AXDND1: variants seen among roughly 807,000 people sequenced by gnomAD.
AXDND1 encodes axonemal dynein light chain domain-containing protein 1.
Under a neutral mutation model 137.5 loss-of-function variants are expected in AXDND1, and 110 were observed. That is an observed-to-expected ratio of 0.80 (90% CI 0.69 to 0.94). The LOEUF is 0.94. AXDND1 is among the 40% of genes least tolerant of loss of function. AXDND1 has a pLI of 0.00. For missense variants in AXDND1, 1,191 were observed against 1,169.8 expected, an observed-to-expected ratio of 1.02 and a Z score of -0.26; for synonymous variants, 414 against 399.7, an observed-to-expected ratio of 1.04 and a Z score of -0.43.
At chr1:179,419,432 C>G (rs974474650) in intron 12 of AXDND1, among the ~76,000 whole-genome samples, 6 of 148,940 alleles carry the variant, frequency 4.0e-5, no homozygotes, top group African/African-American at 1.2e-4. Flanking sequence ...GCCAACACAG[C>G]GAAACCCCGT....
chr1:179,509,240 C>A, intron 20 of AXDND1, 56 bp from the exon 21 acceptor site: 4 of 1,057,344 alleles, frequency 3.8e-6, no homozygotes, highest in South Asian at 1.4e-5. Context: ...TCCTCAATAG[C>A]GGTGAGTGAA....
chr1:179,521,735 C>T (rs1322792791), intron 21 of AXDND1, among the ~76,000 whole-genome samples: 1 of 147,498 alleles, frequency 6.8e-6, no homozygotes, highest in Non-Finnish European at 1.5e-5. Context: ...CTGAAAATGC[C>T]TTTATTTCAC....
At chr1:179,414,882 T>C (rs1016280010) in intron 12 of AXDND1, among the ~76,000 whole-genome samples, 1 of 152,302 alleles carries the variant, frequency 6.6e-6, no homozygotes, top group East Asian at 1.9e-4. Flanking sequence ...AACTTGTACT[T>C]TTAGACATCA....
At chr1:179,438,171 A>AATAAATTAATAC (rs1658494647) in intron 15 of AXDND1, among the ~76,000 whole-genome samples, 1 of 151,318 alleles carries the variant, frequency 6.6e-6, no homozygotes, top group Non-Finnish European at 1.5e-5. Context: ...TAAATAAATA[A>AATAAATTAATAC]ATAAATAAAT....
rs142812354 is a variant in AXDND1 at position 179,445,023 on chromosome 1, C to T, written c.1617C>T (p.Tyr539=). Residue 539 remains tyrosine, a synonymous_variant, in exon 16 of 26, where the codon TAC becomes TAT. Transcript: ENST00000367618. ...CTGGGGATGTTCTACTGTCAAAATA[C>T]GATACTCTCAAGATTATTAAACATT... ...EFTGDVLLSK[Y]DTLKIIKHLQ... 138 of 1,612,694 alleles carry T rather than the reference C, an allele frequency of 8.6e-5. 3 individuals are homozygous for T. The Middle Eastern group carries it at 3.6e-3, about 42-fold the overall frequency.
chr1:179,525,023 C>T (rs1016232287), intron 21 of AXDND1, among the ~76,000 whole-genome samples: 4 of 152,136 alleles, frequency 2.6e-5, no homozygotes, highest in Non-Finnish European at 5.9e-5. Context: ...TCTTTTCCTT[C>T]CCCATCCTTC....
intron 17 of AXDND1, among the ~76,000 whole-genome samples, chr1:179,481,974 A>C (rs1262689268): frequency 2.6e-5 from 4 of 152,014 alleles, no homozygotes; most frequent in Non-Finnish European, 5.9e-5. Context: ...CTATATCTTG[A>C]ATCTCCACTG....
chr1:179,430,500 A>G lies in AXDND1; in HGVS notation c.1381A>G (p.Asn461Asp). 6.2e-7 allele frequency: 1 copy of G among 1,614,036 alleles called. No homozygotes were observed. The highest frequency in any genetic ancestry group is 8.5e-7 in the Non-Finnish European group (1 of 1,179,954). The change falls in exon 14 of 26, where the codon AAC becomes GAC. Residue 461 changes from asparagine (N) to aspartate (D), a missense_variant. Physicochemically the swap from Asn to Asp is conservative, Grantham distance 23. Coordinates refer to ENST00000367618, the MANE Select transcript of AXDND1 (RefSeq NM_144696.6). ...GCAGAAGTTGACACAAAAATGGAGA[A>G]ACTTAGTGAATAAACTTAAACAAGA... ...LLQKLTQKWR[N>D]LVNKLKQEVE...
At chr1:179,397,752 A>G (rs981949321) in intron 11 of AXDND1, among the ~76,000 whole-genome samples, 14 of 152,072 alleles carry the variant, frequency 9.2e-5, no homozygotes, top group African/African-American at 3.4e-4. Flanking sequence ...AAGTTCTGAG[A>G]TTCTTTCTTC....
At chr1:179,369,032 T>C (rs560203911) in intron 3 of AXDND1, 60 bp downstream of exon 3, 339 of 1,442,764 alleles carry the variant, frequency 2.3e-4, no homozygotes, top group Non-Finnish European at 2.9e-4. Flanking sequence ...CTGATTATTC[T>C]TTAAGTATTT....
chr1:179,449,121 A>AGCGATCATCCC (rs1364333967), intron 16 of AXDND1: 1 of 454,280 alleles, frequency 2.2e-6, no homozygotes, highest in Non-Finnish European at 4.4e-6. Flanking sequence ...TCTGGGTTCA[A>AGCGATCATCCC]GCGATCATCC....
chr1:179,430,726 C>T (rs1657243931), intron 14 of AXDND1, 120 bp downstream of exon 14: 1 of 1,116,814 alleles, frequency 9.0e-7, no homozygotes, highest in Non-Finnish European at 1.3e-6. Context: ...TTTTGGGGAG[C>T]AGTCCCTATG....
chr1:179,524,623 G>A (rs1012352028), intron 21 of AXDND1, among the ~76,000 whole-genome samples: 1 of 152,084 alleles, frequency 6.6e-6, no homozygotes, highest in African/African-American at 2.4e-5. Context: ...CATTCAAGAT[G>A]CACATTTTCT....
intron 16 of AXDND1, among the ~76,000 whole-genome samples, chr1:179,465,526 G>T (rs1663007944): frequency 6.6e-6 from 1 of 152,202 alleles, no homozygotes; most frequent in Admixed American, 6.5e-5. Context: ...GTGTCAGTTG[G>T]CCCCTACTGG....
At chr1:179,547,992 T>A (rs1271803336) in intron 25 of AXDND1, among the ~76,000 whole-genome samples, 1 of 152,142 alleles carries the variant, frequency 6.6e-6, no homozygotes, top group Non-Finnish European at 1.5e-5. Flanking sequence ...CTGTTTTTGC[T>A]CTACTATGAT....
chr1:179,482,116 T>C (rs200114203), intron 17 of AXDND1, among the ~76,000 whole-genome samples: 2 of 97,686 alleles, frequency 2.0e-5, no homozygotes, highest in Non-Finnish European at 4.6e-5. Context: ...TTTTTTTTTT[T>C]TTTTTTTTGC....
At chr1:179,423,739 A>G (rs574167680) in intron 12 of AXDND1, among the ~76,000 whole-genome samples, 4 of 152,146 alleles carry the variant, frequency 2.6e-5, no homozygotes, top group African/African-American at 4.8e-5. Flanking sequence ...CTTTAACTCT[A>G]TTCTCCTCAA....
chr1:179,415,051 T>G (rs1654488416), intron 12 of AXDND1, among the ~76,000 whole-genome samples: 1 of 152,128 alleles, frequency 6.6e-6, no homozygotes, highest in Non-Finnish European at 1.5e-5. Flanking sequence ...GTTAAAAAAT[T>G]TAGATTTCGG....
chr1:179,376,098 A>G (rs1647235574), intron 4 of AXDND1, among the ~76,000 whole-genome samples: 1 of 152,142 alleles, frequency 6.6e-6, no homozygotes, highest in Non-Finnish European at 1.5e-5. Context: ...TTAAAATTTC[A>G]TTTCATCCAT....
Sources: gnomAD v4.1 joint callset for allele counts (sites outside exome capture counted in the v4.1 genomes callset) on GRCh38, gnomAD v4.1.1 for gene constraint, MANE v1.5 for transcripts, NCBI Gene and HGNC (gene_info 2026-07-23, HGNC 2026-07-21) for gene names.